Variants in PDCD6IP observed in about 807,000 individuals in gnomAD.
The protein encoded by PDCD6IP is programmed cell death 6 interacting protein, also known as programmed cell death 6-interacting protein.
PDCD6IP carries 43 observed loss-of-function variants against 103.7 expected under a neutral mutation model. That is an observed-to-expected ratio of 0.41 (90% confidence interval 0.32 to 0.53). The LOEUF is 0.53. Among genes scored for constraint, PDCD6IP ranks in the 20% least tolerant of loss-of-function variants. PDCD6IP has a pLI of 0.16. For synonymous variants in PDCD6IP, 354 were observed against 378.7 expected (o/e 0.93, Z 0.76); for missense variants, 871 against 1,036.7 (o/e 0.84, Z 2.20).
chr3:33,839,198 A>G (rs1354001339), intron 9 of PDCD6IP, among the ~76,000 whole-genome samples: 1 of 152,190 alleles, frequency 6.6e-6, no homozygotes, highest in Non-Finnish European at 1.5e-5. Flanking sequence ...AAATTCTCTC[A>G]TGCCCCTTTC....
intron 3 of PDCD6IP, among the ~76,000 whole-genome samples, chr3:33,815,450 A>AG (rs1696826938): frequency 6.6e-6 from 1 of 152,188 alleles, no homozygotes; most frequent in South Asian, 2.1e-4. Context: ...CAGTTGAACA[A>AG]ACTGGTTTAG....
intron 9 of PDCD6IP, among the ~76,000 whole-genome samples, chr3:33,841,241 T>C (rs1697462836): frequency 6.6e-6 from 1 of 151,932 alleles, no homozygotes; most frequent in African/African-American, 2.4e-5. Context: ...TTGGCCAGGC[T>C]GGTCTCGAAT....
In PDCD6IP at chr3:33,799,049, C is replaced by G. The variant is rs1031347290; in HGVS notation, c.209+112C>G. ...TAACCTGGGCGGAGCCGCCCCGTCC[C>G]GGCCTGACCAGGCGCGTAGGTGTGG... On this transcript the variant is annotated intron_variant, in intron 1 of 17. Transcript: ENST00000307296. 23 of 1,058,514 alleles carry G rather than the reference C, an allele frequency of 2.2e-5. No individual in the cohort carries two copies. In the South Asian group the frequency reaches 2.6e-4, roughly 12 times the overall value. 65.6% of individuals were successfully genotyped at this position (1,058,514 alleles called of 1,614,324 possible).
chr3:33,860,013 T>C (rs1293774640), intron 15 of PDCD6IP, among the ~76,000 whole-genome samples: 5 of 152,148 alleles, frequency 3.3e-5, no homozygotes, highest in Non-Finnish European at 1.5e-5. Context: ...TTTACTGATA[T>C]GGAAAGATCT....
intron 1 of PDCD6IP, among the ~76,000 whole-genome samples, chr3:33,804,913 T>C (rs1696557518): frequency 6.6e-6 from 1 of 152,220 alleles, no homozygotes; most frequent in Non-Finnish European, 1.5e-5. Flanking sequence ...TTTCTGATTC[T>C]CTTGTTTCAT....
At chr3:33,853,629 A>G (rs1336089651) in intron 13 of PDCD6IP, among the ~76,000 whole-genome samples, 1 of 152,156 alleles carries the variant, frequency 6.6e-6, no homozygotes, top group Admixed American at 6.5e-5. Flanking sequence ...ATTTTTTACA[A>G]GTGTTATATA....
chr3:33,837,397 G>A (rs1265919120), intron 8 of PDCD6IP, among the ~76,000 whole-genome samples: 1 of 152,172 alleles, frequency 6.6e-6, no homozygotes, highest in Non-Finnish European at 1.5e-5. Context: ...TTTACCATGT[G>A]CCAGGCACTC....
intron 1 of PDCD6IP, chr3:33,799,187 G>C (rs1351425390): frequency 1.8e-6 from 1 of 558,250 alleles, no homozygotes; most frequent in African/African-American, 1.9e-5. Flanking sequence ...CCGTGGATCA[G>C]ATACCTGGGA....
chr3:33,855,864 C>A (rs770344357), intron 15 of PDCD6IP, among the ~76,000 whole-genome samples: 3 of 152,114 alleles, frequency 2.0e-5, no homozygotes, highest in Non-Finnish European at 4.4e-5. Flanking sequence ...ACAAAAACAA[C>A]AACAACAACA....
intron 12 of PDCD6IP, among the ~76,000 whole-genome samples, chr3:33,848,683 G>A (rs1463120783): frequency 2.0e-5 from 3 of 152,118 alleles, no homozygotes; most frequent in South Asian, 4.1e-4. Context: ...GATTACAGGC[G>A]TGAGCTACCG....
chr3:33,814,260 C>A (rs1166734844), intron 3 of PDCD6IP, among the ~76,000 whole-genome samples: 1 of 150,372 alleles, frequency 6.7e-6, no homozygotes, highest in Non-Finnish European at 1.5e-5. Context: ...TTCTCCTATT[C>A]TTCTACCTCA....
intron 12 of PDCD6IP, among the ~76,000 whole-genome samples, chr3:33,849,802 T>C (rs979943053): frequency 6.6e-6 from 1 of 152,252 alleles, no homozygotes; most frequent in Non-Finnish European, 1.5e-5. Context: ...TGCCTTATAA[T>C]CTGAAATATG....
chr3:33,800,459 A>G (rs989742147), intron 1 of PDCD6IP, among the ~76,000 whole-genome samples: 1 of 152,102 alleles, frequency 6.6e-6, no homozygotes, highest in Non-Finnish European at 1.5e-5. Flanking sequence ...TCCTTACCCC[A>G]TGGATCAAAG....
At chr3:33,820,542 A>G (rs1041271273) in intron 3 of PDCD6IP, among the ~76,000 whole-genome samples, 1 of 152,214 alleles carries the variant, frequency 6.6e-6, no homozygotes, top group African/African-American at 2.4e-5. Flanking sequence ...GAAATATTGT[A>G]CTAATTGAAC....
chr3:33,846,145 A>G (rs1276496616), intron 12 of PDCD6IP, among the ~76,000 whole-genome samples: 1 of 152,220 alleles, frequency 6.6e-6, no homozygotes, highest in Non-Finnish European at 1.5e-5. Context: ...ATGACCTATC[A>G]CAGGGAGATA....
At chr3:33,816,385 A>G (rs1241616485) in intron 3 of PDCD6IP, among the ~76,000 whole-genome samples, 1 of 151,730 alleles carries the variant, frequency 6.6e-6, no homozygotes, top group African/African-American at 2.4e-5. Flanking sequence ...ACGCCTTGTA[A>G]TCCCAGCTAC....
chr3:33,844,006 C>T (rs1173170163), intron 10 of PDCD6IP, 106 bp from the exon 11 acceptor site: 3 of 644,854 alleles, frequency 4.7e-6, no homozygotes, highest in Non-Finnish European at 7.9e-6. Context: ...CTAGTATTCC[C>T]ATCTCACCAA....
At position 33,865,343 on chromosome 3, in the gene PDCD6IP, C is replaced by G; in HGVS notation, c.2345C>G (p.Ala782Gly). The G allele has an allele frequency of 6.2e-7, 1 of 1,601,000 alleles. No individual in the cohort carries two copies. The highest frequency in any genetic ancestry group is 8.5e-7 in the Non-Finnish European group (1 of 1,174,300). ...TAPSPVGAGT[A>G]APAPSQTPGS... Reference sequence around the variant, plus strand: ...CCATCTCCAGTGGGGGCTGGGACTGCTGCGCCAGCTCCATCACAAACGCCT... The same window carrying G: ...CCATCTCCAGTGGGGGCTGGGACTGGTGCGCCAGCTCCATCACAAACGCCT... The change falls in exon 17 of 18, where the codon GCT becomes GGT. Residue 782 changes from alanine to glycine, a missense_variant. This residue lies in a region of PDCD6IP where 202 missense variants were observed against 205.2 expected (regional missense o/e 0.98). Transcript: ENST00000307296.
chr3:33,860,768 G>A (rs1697934205), intron 15 of PDCD6IP, among the ~76,000 whole-genome samples: 1 of 152,078 alleles, frequency 6.6e-6, no homozygotes, highest in Non-Finnish European at 1.5e-5. Context: ...GAATGTACAA[G>A]TTATTTATTC....
Sources: allele counts gnomAD v4.1 joint callset (sites outside exome capture counted in the v4.1 genomes callset), GRCh38; gene constraint gnomAD v4.1.1; regional missense constraint gnomAD v4.1.1; transcripts MANE v1.5; gene names NCBI Gene and HGNC (gene_info 2026-07-23, HGNC 2026-07-21).